TRPV5: variants seen among roughly 807,000 people sequenced by gnomAD.
TRPV5 encodes the protein calcium transport protein 2.
A neutral mutation model predicts 74.1 loss-of-function variants in TRPV5; 66 were observed. The observed-to-expected ratio is 0.89, with a 90% confidence interval of 0.73 to 1.09. The LOEUF (loss-of-function observed/expected upper bound fraction) is 1.09. Among genes scored for constraint, TRPV5 ranks in the 50% least tolerant of loss-of-function variants. The probability of loss-of-function intolerance (pLI) is 0.00; values close to 1 mark genes in which losing one functional copy is unlikely to be tolerated. For synonymous variants in TRPV5, 399 were observed against 360.7 expected (o/e 1.11, Z -1.20); for missense variants, 936 against 930.4 (o/e 1.01, Z -0.08).
At chr7:142,916,341 C>T (rs1405073763) in intron 8 of TRPV5, among the ~76,000 whole-genome samples, 1 of 152,154 alleles carries the variant, frequency 6.6e-6, no homozygotes, top group Non-Finnish European at 1.5e-5. Flanking sequence ...GAAGACCACC[C>T]TACTTCAATG....
chr7:142,915,670 C>A (rs1284730462), intron 8 of TRPV5, 102 bp from the exon 9 acceptor site: 2 of 1,128,906 alleles, frequency 1.8e-6, no homozygotes, highest in Non-Finnish European at 2.5e-6. Context: ...ATAAAGGAAA[C>A]TCCCCTTCCC....
chr7:142,908,692 G>A lies in TRPV5; in HGVS notation c.2012C>T (p.Ala671Val), dbSNP rs1386510091. 1 of 1,614,116 alleles carries A rather than the reference G, an allele frequency of 6.2e-7. No homozygotes were observed. Among genetic ancestry groups the A allele is most frequent in the East Asian group, 2.2e-5 (1 of 44,888 alleles). ...GGCTCTGGCTAGAGTCCCACTCTCA[G>A]CCCCAGAGGGCTGTTTCTCAGATGG... Reference protein sequence around the residue: ...EHPSEKQPSGAESGTLARASL... With the variant: ...EHPSEKQPSGVESGTLARASL... The change falls in exon 15 of 15, where the codon GCT becomes GTT. Residue 671 changes from alanine to valine, a missense_variant. By Grantham distance (64) the Ala-to-Val change is moderately conservative. Coordinates refer to ENST00000265310, the MANE Select transcript of TRPV5 (RefSeq NM_019841.7).
intron 12 of TRPV5, among the ~76,000 whole-genome samples, chr7:142,914,396 G>C (rs143810144): frequency 1.1e-4 from 16 of 152,196 alleles, no homozygotes; most frequent in African/African-American, 3.1e-4. Context: ...GGCAGTTAGT[G>C]AACATAAATC....
intron 12 of TRPV5, 133 bp from the exon 13 acceptor site, chr7:142,912,883 A>AT: frequency 1.7e-4 from 63 of 366,404 alleles, no homozygotes; most frequent in Non-Finnish European, 2.4e-4. Context: ...TATCTATCTA[A>AT]ATACACTTGC....
At chr7:142,911,547 A>G (rs779116120) in intron 13 of TRPV5, among the ~76,000 whole-genome samples, 5 of 152,152 alleles carry the variant, frequency 3.3e-5, no homozygotes, top group Non-Finnish European at 7.3e-5. Flanking sequence ...CCTCTGTTGT[A>G]TCCTCCTCTT....
intron 6 of TRPV5, among the ~76,000 whole-genome samples, 177 bp from the exon 7 acceptor site, chr7:142,928,411 A>C (rs1301823532): frequency 6.6e-6 from 1 of 152,208 alleles, no homozygotes; most frequent in East Asian, 1.9e-4. Flanking sequence ...CCAAAACCCC[A>C]GAAAGTGCAG....
intron 8 of TRPV5, among the ~76,000 whole-genome samples, chr7:142,924,309 TATACAC>T (rs1422311017): frequency 2.5e-4 from 7 of 27,870 alleles, no homozygotes; most frequent in African/African-American, 6.0e-4. Flanking sequence ...TACATATATA[TATACAC>T]ACATATACAT....
At chr7:142,933,180 T>C in intron 1 of TRPV5, 152 bp downstream of exon 1, 3 of 1,125,928 alleles carry the variant, frequency 2.7e-6, no homozygotes, top group South Asian at 3.3e-5. Flanking sequence ...GCTGGGATTC[T>C]GTAATTAGGT....
chr7:142,929,714 G>A, intron 3 of TRPV5, 149 bp from the exon 4 acceptor site: 1 of 1,266,702 alleles, frequency 7.9e-7, no homozygotes, highest in East Asian at 2.5e-5. Context: ...GGGACTAAGA[G>A]CAATTCATCC....
chr7:142,919,768 G>A (rs1795853988), intron 8 of TRPV5, among the ~76,000 whole-genome samples: 1 of 152,186 alleles, frequency 6.6e-6, no homozygotes, highest in Non-Finnish European at 1.5e-5. Context: ...TGCCCAGAAG[G>A]AGTGGGCAAA....
In TRPV5 at chr7:142,921,001, T is replaced by C. The variant is rs944914375; in HGVS notation, c.1122+4528A>G. ...TCCTCATCTCTTTCCCTGTCTATAA[T>C]GTGCTGTGCTTGTTCCACCATGAGT... On this transcript the variant is annotated intron_variant, in intron 8 of 14. Transcript: ENST00000265310. 5.3e-5 allele frequency among the ~76,000 whole-genome samples: 8 copies of C among 152,326 alleles called. No homozygotes were observed. The South Asian group carries it at 1.7e-3, about 32-fold the overall frequency.
At position 142,928,701 on chromosome 7, in the gene TRPV5, C is replaced by T. The variant is rs746449765; in HGVS notation, c.752G>A (p.Gly251Asp). Residue 251 changes from glycine to aspartate, a missense_variant, in exon 6 of 15, where the codon GGT (glycine) becomes GAT (aspartate). Coordinates refer to ENST00000265310, the MANE Select transcript of TRPV5 (RefSeq NM_019841.7). ...GGGAGCGTCTCTTACCACAGTGTTA[C>T]CCTCCACTCCAGCCAGCTTGAAGGG... is the stretch of plus-strand genomic sequence containing the variant. ...LTPFKLAGVE[G>D]NTVMFQHLMQ... is the part of the protein sequence containing the mutation. 1.2e-6 allele frequency: 2 copies of T among 1,613,568 alleles called. No homozygotes were observed. Among genetic ancestry groups the T allele is most frequent in the Non-Finnish European group, 1.7e-6 (2 of 1,179,720 alleles).
At position 142,933,736 on chromosome 7, in the gene TRPV5, C is replaced by A. The variant is rs1796143495; in HGVS notation, c.-277G>T. On this transcript the variant is annotated 5_prime_UTR_variant, in exon 1 of 15. Coordinates refer to ENST00000265310, the MANE Select transcript of TRPV5 (RefSeq NM_019841.7). ...GGTGGTGTGTGTGCATGCAGGTGCG[C>A]TGAGGGGACTGACCGCCCTGCCTGG... 2.5e-6 allele frequency: 1 copy of A among 402,394 alleles called. No individual in the cohort carries two copies. The allele number at this position is 402,394 out of a possible 1,614,324, so 24.9% of individuals were successfully genotyped here.
chr7:142,915,107 A>G, intron 10 of TRPV5, 61 bp from the exon 11 acceptor site: 1 of 1,587,288 alleles, frequency 6.3e-7, no homozygotes, highest in South Asian at 1.1e-5. Flanking sequence ...TCCCTACAGC[A>G]TAGTGGTGAC....
chr7:142,921,605 G>GT (rs1795886394), intron 8 of TRPV5, among the ~76,000 whole-genome samples: 2 of 152,056 alleles, frequency 1.3e-5, no homozygotes, highest in African/African-American at 4.8e-5. Flanking sequence ...TTGCTAAACT[G>GT]TAATAGCCTC....
chr7:142,928,067 G>A, intron 7 of TRPV5, 21 bp downstream of exon 7: 1 of 1,614,016 alleles, frequency 6.2e-7, no homozygotes, highest in Non-Finnish European at 8.5e-7. Context: ...TGACAGGCCT[G>A]ATCCTCCTTG....
chr7:142,921,275 C>A (rs1055151531), intron 8 of TRPV5, among the ~76,000 whole-genome samples: 1 of 152,166 alleles, frequency 6.6e-6, no homozygotes, highest in Non-Finnish European at 1.5e-5. Context: ...GGCCAATCCA[C>A]CATTTTTTTA....
chr7:142,930,068 C>T lies in TRPV5; in HGVS notation c.339G>A (p.Glu113=). The T allele has an allele frequency of 1.2e-6, 2 of 1,614,100 alleles. No homozygotes were observed. Among genetic ancestry groups the T allele is most frequent in the East Asian group, 2.2e-5 (1 of 44,882 alleles). Residue 113 remains glutamate (E), a synonymous_variant, in exon 3 of 15, where the codon GAG becomes GAA. Coordinates refer to ENST00000265310, the MANE Select transcript of TRPV5 (RefSeq NM_019841.7). ...ATGTAGGCTCCTTACCTGCAAAAGCCTCACATGTGGTGGGCTCAAAGACCA... is the reference window on the plus strand; with the variant it reads ...ATGTAGGCTCCTTACCTGCAAAAGCTTCACATGTGGTGGGCTCAAAGACCA... ...PELVFEPTTC[E]AFAGQTALHI... is the part of the protein sequence containing the mutation.
chr7:142,933,227 C>CT (rs1796125427), intron 1 of TRPV5, 105 bp downstream of exon 1: 1 of 1,438,814 alleles, frequency 7.0e-7, no homozygotes, highest in Non-Finnish European at 9.4e-7. Context: ...GTGACTGGCA[C>CT]TGACAATACA....
Sources: gnomAD v4.1 joint callset for allele counts (sites outside exome capture counted in the v4.1 genomes callset) on GRCh38, gnomAD v4.1.1 for gene constraint, MANE v1.5 for transcripts, NCBI Gene and HGNC (gene_info 2026-07-23, HGNC 2026-07-21) for gene names.